Variants in PLCH1 observed in about 807,000 individuals in gnomAD.
PLCH1 encodes the protein phospholipase C eta 1, also known as 1-phosphatidylinositol 4,5-bisphosphate phosphodiesterase eta-1.
A neutral mutation model predicts 126.7 loss-of-function variants in PLCH1; 60 were observed. The observed-to-expected ratio is 0.47, with a 90% CI of 0.38 to 0.59. The LOEUF is 0.59. PLCH1 is among the 20% of genes least tolerant of loss of function. The pLI, the probability that PLCH1 is intolerant of heterozygous loss-of-function variation, is 0.00. For synonymous variants in PLCH1, 719 were observed against 734.9 expected (o/e 0.98, Z 0.35); for missense variants, 1,723 against 2,040.0 (o/e 0.84, Z 2.99).
chr3:155,492,186 C>T (rs1023330092), intron 18 of PLCH1, among the ~76,000 whole-genome samples: 5 of 150,960 alleles, frequency 3.3e-5, no homozygotes, highest in South Asian at 2.1e-4. Flanking sequence ...TGCTATATAG[C>T]GAGAAAACAG....
At chr3:155,661,763 G>A (rs925974772) in intron 2 of PLCH1, among the ~76,000 whole-genome samples, 15 of 152,150 alleles carry the variant, frequency 9.9e-5, no homozygotes, top group Non-Finnish European at 8.8e-5. Context: ...ACCAAACTGT[G>A]AGCAAAAATG....
At chr3:155,719,767 G>A (rs1747804503) in intron 1 of PLCH1, among the ~76,000 whole-genome samples, 1 of 150,310 alleles carries the variant, frequency 6.7e-6, no homozygotes, top group African/African-American at 2.4e-5. Flanking sequence ...CTTTATGGCT[G>A]AGTAGTATTC....
chr3:155,588,204 TC>T (rs1314892028), intron 4 of PLCH1, among the ~76,000 whole-genome samples: 1 of 152,236 alleles, frequency 6.6e-6, no homozygotes, highest in Non-Finnish European at 1.5e-5. Context: ...TCATATTTTT[TC>T]CCTTTAAAAC....
At chr3:155,501,079 G>C (rs1270770688) in intron 13 of PLCH1, among the ~76,000 whole-genome samples, 1 of 152,100 alleles carries the variant, frequency 6.6e-6, no homozygotes. Context: ...GCATTTTGAA[G>C]GTTTCTACTA....
chr3:155,581,351 T>C (rs951104229), intron 6 of PLCH1, among the ~76,000 whole-genome samples: 3 of 152,328 alleles, frequency 2.0e-5, no homozygotes, highest in African/African-American at 7.2e-5. Context: ...TACATGAATG[T>C]TCACAGCAGC....
At chr3:155,506,462 A>C (rs1718745630) in intron 12 of PLCH1, among the ~76,000 whole-genome samples, 1 of 150,812 alleles carries the variant, frequency 6.6e-6, no homozygotes, top group South Asian at 2.1e-4. Context: ...CTAACGTGTC[A>C]ACTAGCATTA....
At chr3:155,475,474 G>A (rs961377138), downstream of PLCH1, among the ~76,000 whole-genome samples, 3 of 151,788 alleles carry the variant, frequency 2.0e-5, no homozygotes, top group African/African-American at 7.3e-5. Context: ...AAAGATCAGA[G>A]CACAAATAAA....
downstream of PLCH1, among the ~76,000 whole-genome samples, chr3:155,475,590 A>G (rs577839561): frequency 1.6e-4 from 24 of 152,244 alleles, no homozygotes; most frequent in African/African-American, 5.5e-4. Flanking sequence ...GAAAAAAGAG[A>G]GAAGATCCAA....
chr3:155,540,442 G>T lies in PLCH1; in HGVS notation c.1362+9345C>A, dbSNP rs182248999. Among the ~76,000 whole-genome samples the T allele has an allele frequency of 3.9e-3, 590 of 152,214 alleles. 2 individuals are homozygous for T. Among genetic ancestry groups the T allele is most frequent in the African/African-American group, 0.014 (561 of 41,532 alleles). ...TGCATAGCAAAAGAAATAATCAGTG[G>T]AGTAAACAGACAACTCACAGAGTGG... On this transcript the variant is annotated intron_variant, in intron 10 of 22. Coordinates refer to ENST00000460012, the MANE Select transcript of PLCH1 (RefSeq NM_014996.4).
chr3:155,613,524 C>T (rs976224288), intron 2 of PLCH1, among the ~76,000 whole-genome samples: 2 of 152,080 alleles, frequency 1.3e-5, no homozygotes, highest in Non-Finnish European at 2.9e-5. Flanking sequence ...ATATGTTACA[C>T]CACATGAACA....
chr3:155,471,419 T>A, intron 21 of PLCH1, among the ~76,000 whole-genome samples: 2 of 149,522 alleles, frequency 1.3e-5, no homozygotes, highest in Admixed American at 6.7e-5. Flanking sequence ...GCACCCAGAT[T>A]CATAAAGCAA....
chr3:155,682,669 A>G (rs976061295), intron 2 of PLCH1, among the ~76,000 whole-genome samples: 1 of 152,192 alleles, frequency 6.6e-6, no homozygotes, highest in Non-Finnish European at 1.5e-5. Context: ...TGTGCCCAAG[A>G]TCACAAAATT....
At chr3:155,695,417 G>C (rs384412) in intron 2 of PLCH1, among the ~76,000 whole-genome samples, 60,638 of 152,038 alleles carry the variant, frequency 0.4, 12,854 homozygotes, top group African/African-American at 0.53. Context: ...GGCAAGAAGA[G>C]AGTTTACAGT....
intron 2 of PLCH1, among the ~76,000 whole-genome samples, chr3:155,642,057 T>G (rs1210949367): frequency 6.6e-6 from 1 of 152,198 alleles, no homozygotes; most frequent in Non-Finnish European, 1.5e-5. Flanking sequence ...TAGCATTTAA[T>G]AGGTACTCAC....
chr3:155,619,570 T>C (rs1736209451), intron 2 of PLCH1, among the ~76,000 whole-genome samples: 1 of 149,690 alleles, frequency 6.7e-6, no homozygotes, highest in Non-Finnish European at 1.5e-5. Flanking sequence ...ATCCAGAGAG[T>C]TCCAAATCCC....
intron 4 of PLCH1, among the ~76,000 whole-genome samples, chr3:155,591,836 C>T (rs1238337491): frequency 6.6e-6 from 1 of 152,002 alleles, no homozygotes; most frequent in African/African-American, 2.4e-5. Flanking sequence ...ACCTGAGTAG[C>T]CGGCACTACA....
At chr3:155,544,559 T>C (rs1354267078) in intron 10 of PLCH1, among the ~76,000 whole-genome samples, 1 of 152,146 alleles carries the variant, frequency 6.6e-6, no homozygotes, top group African/African-American at 2.4e-5. Context: ...TACAGAACTC[T>C]CCACCTCAAA....
At chr3:155,575,901 T>C (rs574994611) in intron 6 of PLCH1, among the ~76,000 whole-genome samples, 36 of 152,300 alleles carry the variant, frequency 2.4e-4, no homozygotes, top group Non-Finnish European at 4.3e-4. Context: ...TCCTCCTGCC[T>C]GCCCCCGTAG....
intron 21 of PLCH1, among the ~76,000 whole-genome samples, chr3:155,486,518 T>G (rs867814140): frequency 1.0e-4 from 15 of 143,352 alleles, no homozygotes; most frequent in African/African-American, 2.7e-4. Flanking sequence ...AGTTTGTTTT[T>G]TTTTTTTTTT....
Sources: allele counts gnomAD v4.1 joint callset (sites outside exome capture counted in the v4.1 genomes callset), GRCh38; gene constraint gnomAD v4.1.1; transcripts MANE v1.5; gene names NCBI Gene and HGNC (gene_info 2026-07-23, HGNC 2026-07-21).